MFSD6: variants seen among roughly 807,000 people sequenced by gnomAD.
The protein encoded by MFSD6 is major facilitator superfamily domain containing 6.
In MFSD6, 26 loss-of-function variants were observed where a neutral mutation model predicts 56.3. The ratio of observed to expected loss-of-function variants is 0.46; its 90% CI spans 0.34 to 0.64. The LOEUF (loss-of-function observed/expected upper bound fraction) is 0.64, where lower values mean the gene tolerates loss of function less well. Ranked by LOEUF, MFSD6 falls within the 30% of genes least tolerant of loss-of-function variation. MFSD6 has a pLI of 0.01. For missense variants in MFSD6, 750 were observed against 986.2 expected, an observed-to-expected ratio of 0.76 and a Z score of 3.21; for synonymous variants, 331 against 366.9, an observed-to-expected ratio of 0.90 and a Z score of 1.12.
chr2:190,450,354 C>T (rs545184157), intron 3 of MFSD6, among the ~76,000 whole-genome samples: 1 of 152,246 alleles, frequency 6.6e-6, no homozygotes, highest in South Asian at 2.1e-4. Context: ...GCCTTTCCAA[C>T]TTGAAGAAGT....
intron 4 of MFSD6, among the ~76,000 whole-genome samples, chr2:190,482,868 CTTTTTTTTTTTTTTTTTT>C (rs199927176): frequency 1.9e-4 from 9 of 48,292 alleles, no homozygotes; most frequent in Middle Eastern, 0.018. Context: ...AGACTATCAT[CTTTTTTTTTTTTTTTTTT>C]TTTTTTTTTT....
rs1473799728 is a variant in MFSD6 at position 190,494,197 on chromosome 2, A to G, written c.1892-3242A>G. 1.3e-5 allele frequency among the ~76,000 whole-genome samples: 2 copies of G among 152,200 alleles called. No individual in the cohort carries two copies. Among genetic ancestry groups the G allele is most frequent in the African/African-American group, 4.8e-5 (2 of 41,466 alleles). ...ATATTACAACTGACACCACAGAAAT[A>G]CAAAAGATCATTCAAGGCTACTATT... On this transcript the variant is annotated intron_variant, in intron 6 of 7. Coordinates refer to ENST00000392328, the MANE Select transcript of MFSD6 (RefSeq NM_017694.4). This position sits in a 1 kb window ranked among gnomAD's most constrained non-coding sequence, Gnocchi z 5.7.
At position 190,456,036 on chromosome 2, in the gene MFSD6, G is replaced by A. The variant is rs1268757429; in HGVS notation, c.1533-13722G>A. ...GCTCACTGCAACCTCTGCCTCCTGG[G>A]TTCAAGCAGTTCTCCTGTGTCAGCC... On this transcript the variant is annotated intron_variant, in intron 3 of 7. Coordinates refer to ENST00000392328, the MANE Select transcript of MFSD6 (RefSeq NM_017694.4). The surrounding 1 kb of genome is among the most constrained non-coding windows in gnomAD (Gnocchi z 5.4). 1.4e-5 allele frequency among the ~76,000 whole-genome samples: 2 copies of A among 145,620 alleles called. No individual in the cohort carries two copies. Among genetic ancestry groups the A allele is most frequent in the South Asian group, 2.2e-4 (1 of 4,502 alleles).
rs1381990916 is a variant in MFSD6, at chr2:190,467,596, G to A, written c.1533-2162G>A. ...CCACTGCTCTCTAGCCTCGGCAACA[G>A]AGCGAGACTCTGTCTCAAAAAAAGA... On this transcript the variant is annotated intron_variant, in intron 3 of 7. Transcript: ENST00000392328. The surrounding 1 kb of genome is among the most constrained non-coding windows in gnomAD (Gnocchi z 5.5). 6.6e-6 allele frequency among the ~76,000 whole-genome samples: 1 copy of A among 152,194 alleles called. No individual in the cohort carries two copies. The highest frequency in any genetic ancestry group is 1.5e-5 in the Non-Finnish European group (1 of 68,036).
At chr2:190,450,322 C>T (rs936950845) in intron 3 of MFSD6, among the ~76,000 whole-genome samples, 1 of 152,086 alleles carries the variant, frequency 6.6e-6, no homozygotes, top group Non-Finnish European at 1.5e-5. Flanking sequence ...CAGAAGCTTA[C>T]TTCATAGCAT....
rs936537713 is a variant in MFSD6 at position 190,487,300 on chromosome 2, C to T, written c.1631-1357C>T. Among the ~76,000 whole-genome samples, 1 of 152,194 alleles carries T rather than the reference C, an allele frequency of 6.6e-6. No individual in the cohort carries two copies. Among genetic ancestry groups the T allele is most frequent in the Non-Finnish European group, 1.5e-5 (1 of 68,030 alleles). On this transcript the variant is annotated intron_variant, in intron 4 of 7. Transcript: ENST00000392328. This position sits in a 1 kb window ranked among gnomAD's most constrained non-coding sequence, Gnocchi z 5.5. ...AGGTTGCAGTGAGCTGAGGTCGTGCCACTGCACTCCAGCCTGGTGACAGAG... is the reference window on the plus strand; with the variant it reads ...AGGTTGCAGTGAGCTGAGGTCGTGCTACTGCACTCCAGCCTGGTGACAGAG...
At position 190,469,805 on chromosome 2, in the gene MFSD6, T is replaced by C. The variant is rs1448105002; in HGVS notation, c.1580T>C (p.Ile527Thr). 3.7e-6 allele frequency: 6 copies of C among 1,611,114 alleles called. No homozygotes were observed. In the South Asian group the frequency reaches 6.6e-5, roughly 18 times the overall value. Residue 527 changes from isoleucine (I) to threonine (T), a missense_variant, in exon 4 of 8, where the codon ATT (isoleucine) becomes ACT (threonine). Around this residue, in one of 5 missense-constraint regions of MFSD6, gnomAD observed 125 missense variants for 223.1 expected, o/e 0.56. Coordinates refer to ENST00000392328, the MANE Select transcript of MFSD6 (RefSeq NM_017694.4). This position sits in a 1 kb window ranked among gnomAD's most constrained non-coding sequence, Gnocchi z 5.3. ...TGCAATACGGCTCGCTATATTTATA[T>C]TTCCTACCTGGAGAATGCCTGGACT... The part of the protein sequence containing the change: ...LACNTARYIY[I>T]SYLENAWTVL...
In MFSD6 at chr2:190,458,871, G is replaced by A. The variant is rs1687177971; in HGVS notation, c.1533-10887G>A. Among the ~76,000 whole-genome samples, 2 of 152,166 alleles carry A rather than the reference G, an allele frequency of 1.3e-5. No homozygotes were observed. Among genetic ancestry groups the A allele is most frequent in the Admixed American group, 6.5e-5 (1 of 15,272 alleles). On this transcript the variant is annotated intron_variant, in intron 3 of 7. Coordinates refer to ENST00000392328, the MANE Select transcript of MFSD6 (RefSeq NM_017694.4). The surrounding 1 kb of genome is among the most constrained non-coding windows in gnomAD (Gnocchi z 5.3). Reference sequence around the variant, plus strand: ...ATTAGCTCTGTCTCCTTTTGGGCAGGCTTACTCATAAGGCCTGCGCCAGAG... The same window carrying A: ...ATTAGCTCTGTCTCCTTTTGGGCAGACTTACTCATAAGGCCTGCGCCAGAG...
rs1457683062 is a variant in MFSD6, at chr2:190,501,739, A to G, written c.*1521A>G. 1 of 152,688 alleles carries G rather than the reference A, an allele frequency of 6.5e-6. No homozygotes were observed. Among genetic ancestry groups the G allele is most frequent in the Non-Finnish European group, 1.5e-5 (1 of 68,046 alleles). The allele number at this position is 152,688 out of a possible 1,614,324, so 9.5% of individuals were successfully genotyped here. A position where few individuals can be genotyped will look rare whatever the true frequency, so the allele number is the denominator to read the frequency against. ...GATGTCTCGCTTCACAATAAAACAC[A>G]GCTTAAAAATAAAATAACTGAAAGA... On this transcript the variant is annotated 3_prime_UTR_variant, in exon 8 of 8. Transcript: ENST00000392328.
rs62181037 is a variant in MFSD6 at position 190,496,779 on chromosome 2, G to A, written c.1892-660G>A. Among the ~76,000 whole-genome samples the A allele has an allele frequency of 1.0e-2, 1,519 of 152,322 alleles. 13 individuals are homozygous for A. Among genetic ancestry groups the A allele is most frequent in the Admixed American group, 0.017 (259 of 15,302 alleles). ...ATTCACAGCAACCTGGATGGAACTG[G>A]AGACCATATTCTAAGTGAAGCAACT... On this transcript the variant is annotated intron_variant, in intron 6 of 7. Transcript: ENST00000392328. This position sits in a 1 kb window ranked among gnomAD's most constrained non-coding sequence, Gnocchi z 4.7.
intron 2 of MFSD6, among the ~76,000 whole-genome samples, chr2:190,422,775 A>G (rs1367597177): frequency 6.6e-6 from 1 of 151,952 alleles, no homozygotes; most frequent in Admixed American, 6.6e-5. Context: ...GAAATTTTAA[A>G]GTTTTCTTCC....
At chr2:190,449,912 C>T (rs890776682) in intron 3 of MFSD6, among the ~76,000 whole-genome samples, 19 of 151,878 alleles carry the variant, frequency 1.3e-4, no homozygotes, top group Admixed American at 2.0e-4. Flanking sequence ...ATACCTAATG[C>T]TAAATGACGA....
chr2:190,497,856 C>T lies in MFSD6; in HGVS notation c.2172+137C>T. 9.7e-7 allele frequency: 1 copy of T among 1,026,126 alleles called. No homozygotes were observed. Among genetic ancestry groups the T allele is most frequent in the East Asian group, 2.6e-5 (1 of 39,168 alleles). 63.6% of individuals were successfully genotyped at this position (1,026,126 alleles called of 1,614,324 possible). A position where few individuals can be genotyped will look rare whatever the true frequency, so the allele number is the denominator to read the frequency against. Reference sequence around the variant, plus strand: ...GGGGAAATAGACATGCAAACAATTTCAGTACTCTGTGAGCACTGAGTTAAA... The same window carrying T: ...GGGGAAATAGACATGCAAACAATTTTAGTACTCTGTGAGCACTGAGTTAAA... On this transcript the variant is annotated intron_variant, in intron 7 of 7. Coordinates refer to ENST00000392328, the MANE Select transcript of MFSD6 (RefSeq NM_017694.4). This position sits in a 1 kb window ranked among gnomAD's most constrained non-coding sequence, Gnocchi z 5.2.
chr2:190,479,287 C>A (rs1449033781), intron 4 of MFSD6, among the ~76,000 whole-genome samples: 1 of 152,176 alleles, frequency 6.6e-6, no homozygotes, highest in Non-Finnish European at 1.5e-5. Flanking sequence ...AATTCAGCTA[C>A]CATTTGCAGC....
Position 190,469,931 on chromosome 2 carries a change from A to G in MFSD6, c.1630+76A>G. On this transcript the variant is annotated intron_variant, in intron 4 of 7. Transcript: ENST00000392328. The surrounding 1 kb of genome is among the most constrained non-coding windows in gnomAD (Gnocchi z 5.3). Reference sequence around the variant, plus strand: ...GGCTAAAAGCCCAGTGGCCTTCAGCATCTGATTCTATAAAGGAAGGGCAGG... The same window carrying G: ...GGCTAAAAGCCCAGTGGCCTTCAGCGTCTGATTCTATAAAGGAAGGGCAGG... 1.0e-6 allele frequency: 1 copy of G among 1,003,308 alleles called. No homozygotes were observed. The highest frequency in any genetic ancestry group is 1.5e-6 in the Non-Finnish European group (1 of 660,172). 62.2% of individuals were successfully genotyped at this position (1,003,308 alleles called of 1,614,324 possible).
chr2:190,411,702 G>A (rs748949226), intron 1 of MFSD6: 34 of 985,294 alleles, frequency 3.5e-5, no homozygotes, highest in Non-Finnish European at 4.0e-5. Flanking sequence ...AGACTCAGGA[G>A]ATCAAAGTGA....
intron 4 of MFSD6, among the ~76,000 whole-genome samples, chr2:190,483,318 T>C (rs909583642): frequency 6.6e-6 from 1 of 152,218 alleles, no homozygotes; most frequent in Non-Finnish European, 1.5e-5. Context: ...TATAGTGTAA[T>C]ATTTAAGCAC....
intron 3 of MFSD6, among the ~76,000 whole-genome samples, chr2:190,446,093 A>G (rs1231536904): frequency 6.6e-6 from 1 of 152,188 alleles, no homozygotes; most frequent in Non-Finnish European, 1.5e-5. Context: ...TACCCAAACA[A>G]TAGCACTCTC....
Position 190,489,943 on chromosome 2 carries a change from G to C in MFSD6, c.1891+77G>C. 1.6e-6 allele frequency: 2 copies of C among 1,272,696 alleles called. No homozygotes were observed. The highest frequency in any genetic ancestry group is 2.2e-6 in the Non-Finnish European group (2 of 907,022). 78.8% of individuals were successfully genotyped at this position (1,272,696 alleles called of 1,614,324 possible). ...GTCAACAAATGCCCCGAGAAGCCTA[G>C]AAGTGGTACAGAGTATACAACAGGT... On this transcript the variant is annotated intron_variant, in intron 6 of 7. Coordinates refer to ENST00000392328, the MANE Select transcript of MFSD6 (RefSeq NM_017694.4). This position sits in a 1 kb window ranked among gnomAD's most constrained non-coding sequence, Gnocchi z 6.6.
Sources: gnomAD v4.1 joint callset for allele counts (sites outside exome capture counted in the v4.1 genomes callset) on GRCh38, gnomAD v4.1.1 for gene constraint, gnomAD v4.1.1 regional missense constraint, Gnocchi (gnomAD v3.1) non-coding constraint, MANE v1.5 for transcripts, NCBI Gene and HGNC (gene_info 2026-07-23, HGNC 2026-07-21) for gene names.